UBXN7: variants seen among roughly 807,000 people sequenced by gnomAD.
UBXN7 encodes UBX domain-containing protein 7.
Under a neutral mutation model 58.0 loss-of-function variants are expected in UBXN7, and 9 were observed. The ratio of observed to expected loss-of-function variants is 0.16; its 90% CI spans 0.09 to 0.27. The LOEUF is 0.27. Among genes scored for constraint, UBXN7 ranks in the 10% least tolerant of loss-of-function variants. The pLI is 1.00. For synonymous variants in UBXN7, 208 were observed against 205.0 expected (o/e 1.01, Z -0.12); for missense variants, 328 against 599.6 (o/e 0.55, Z 4.73).
chr3:196,425,152 C>T (rs575924695), intron 1 of UBXN7, among the ~76,000 whole-genome samples: 2 of 152,322 alleles, frequency 1.3e-5, no homozygotes, highest in East Asian at 3.9e-4. Context: ...CTTCTCCCCA[C>T]ACCTTTCTGC....
chr3:196,368,133 G>A lies in UBXN7; in HGVS notation c.729C>T (p.His243=), dbSNP rs1245522049. Reference sequence around the variant, plus strand: ...CCAAGAAAGAAGATACATCTAACTGGTGCCATTCTACTAGCTTCTGACCTA... The same window carrying A: ...CCAAGAAAGAAGATACATCTAACTGATGCCATTCTACTAGCTTCTGACCTA... ...PRTGQKLVEW[H]QLDVSSFLDQ... The change falls in exon 8 of 11, where the codon CAC becomes CAT. Residue 243 remains histidine, a synonymous_variant. Transcript: ENST00000296328. 1.2e-6 allele frequency: 2 copies of A among 1,613,648 alleles called. No homozygotes were observed. Among genetic ancestry groups the A allele is most frequent in the Non-Finnish European group, 1.7e-6 (2 of 1,179,844 alleles).
intron 10 of UBXN7, among the ~76,000 whole-genome samples, chr3:196,361,248 C>T (rs143168017): frequency 6.6e-6 from 1 of 152,276 alleles, no homozygotes; most frequent in East Asian, 1.9e-4. Context: ...GACTGAATTG[C>T]TGCAATCTCA....
chr3:196,418,330 T>C (rs1730570729), intron 1 of UBXN7, among the ~76,000 whole-genome samples: 1 of 149,580 alleles, frequency 6.7e-6, no homozygotes, highest in African/African-American at 2.5e-5. Context: ...TAGTCCCAAG[T>C]TTACAGTACT....
At chr3:196,401,804 GAAAGA>G (rs1420982071) in intron 3 of UBXN7, among the ~76,000 whole-genome samples, 109 of 58,644 alleles carry the variant, frequency 1.9e-3, no homozygotes, top group African/African-American at 5.1e-3. Flanking sequence ...AGAAAGGAAA[GAAAGA>G]AAAGAAAAGA....
At chr3:196,401,297 A>ATATATATATG (rs1464952780) in intron 3 of UBXN7, among the ~76,000 whole-genome samples, 11 of 101,728 alleles carry the variant, frequency 1.1e-4, no homozygotes, top group African/African-American at 5.0e-4. Context: ...ATATATATAT[A>ATATATATATG]TACACACACA....
chr3:196,405,689 T>C lies in UBXN7; in HGVS notation c.221+1557A>G, dbSNP rs562985865. Reference sequence around the variant, plus strand: ...GTGGATTAAGTAGTACACTTGTCCTTACACGAAAAGACTTGATTACTACAT... The same window carrying C: ...GTGGATTAAGTAGTACACTTGTCCTCACACGAAAAGACTTGATTACTACAT... On this transcript the variant is annotated intron_variant, in intron 2 of 10. Transcript: ENST00000296328. Among the ~76,000 whole-genome samples the C allele has an allele frequency of 5.9e-5, 9 of 152,246 alleles. 1 individual carries two copies. Among genetic ancestry groups the C allele is most frequent in the Admixed American group, 5.9e-4 (9 of 15,284 alleles).
At chr3:196,432,176 C>T in intron 1 of UBXN7, 151 bp downstream of exon 1, 2 of 1,107,412 alleles carry the variant, frequency 1.8e-6, no homozygotes, top group Non-Finnish European at 2.7e-6. Flanking sequence ...CCGGAGACCC[C>T]GACGCCGTCG....
chr3:196,358,138 C>T (rs1042823619), intron 10 of UBXN7, among the ~76,000 whole-genome samples: 2 of 152,152 alleles, frequency 1.3e-5, no homozygotes. Flanking sequence ...TGATGAACCA[C>T]GTGCGAGCTG....
In UBXN7 at chr3:196,408,199, G is replaced by T. The variant is rs116370075; in HGVS notation, c.74-806C>A. ...ACATAACTAAGTCAAAATCTGGTAA[G>T]AAATGTCAATCTTCATCATTTAAAA... On this transcript the variant is annotated intron_variant, in intron 1 of 10. Coordinates refer to ENST00000296328, the MANE Select transcript of UBXN7 (RefSeq NM_015562.2). Among the ~76,000 whole-genome samples the T allele has an allele frequency of 6.9e-3, 1,034 of 149,840 alleles. 5 individuals carry two copies. Among genetic ancestry groups the T allele is most frequent in the Middle Eastern group, 0.017 (5 of 288 alleles).
At chr3:196,408,454 T>C (rs1439186919) in intron 1 of UBXN7, among the ~76,000 whole-genome samples, 1 of 152,218 alleles carries the variant, frequency 6.6e-6, no homozygotes, top group Non-Finnish European at 1.5e-5. Flanking sequence ...ATGTCCAGCA[T>C]AGCTTCAGTT....
intron 1 of UBXN7, among the ~76,000 whole-genome samples, chr3:196,417,613 A>G (rs139709436): frequency 7.9e-5 from 12 of 151,102 alleles, no homozygotes; most frequent in African/African-American, 2.7e-4. Flanking sequence ...CCATGAATTA[A>G]AAGAATTCAG....
chr3:196,399,506 A>G (rs1247155103), intron 3 of UBXN7, among the ~76,000 whole-genome samples: 1 of 152,148 alleles, frequency 6.6e-6, no homozygotes, highest in Admixed American at 6.6e-5. Flanking sequence ...GCATGATCAT[A>G]GTTCACTGCA....
chr3:196,410,609 G>A (rs1201987174), intron 1 of UBXN7, among the ~76,000 whole-genome samples: 1 of 152,288 alleles, frequency 6.6e-6, no homozygotes, highest in East Asian at 1.9e-4. Context: ...AGATCACGAG[G>A]TTAGGAGTTC....
intron 3 of UBXN7, among the ~76,000 whole-genome samples, chr3:196,396,827 T>C (rs1431189518): frequency 6.6e-6 from 1 of 152,162 alleles, no homozygotes; most frequent in Non-Finnish European, 1.5e-5. Context: ...AGAAAGTATA[T>C]TATTTTAGGA....
rs117750317 is a variant in UBXN7 at position 196,359,428 on chromosome 3, C to G, written c.1308+2416G>C. 3.6e-3 allele frequency among the ~76,000 whole-genome samples: 553 copies of G among 152,160 alleles called. 20 individuals carry two copies. The South Asian group carries it at 0.075, about 21-fold the overall frequency. On this transcript the variant is annotated intron_variant, in intron 10 of 10. Coordinates refer to ENST00000296328, the MANE Select transcript of UBXN7 (RefSeq NM_015562.2). ...CTACCAGTGTAGGCCTCTAAGTACC[C>G]AAGTGAAAGGAAGTGTCCATCCTCA...
chr3:196,393,491 T>G, intron 4 of UBXN7, 63 bp downstream of exon 4: 1 of 1,493,044 alleles, frequency 6.7e-7, no homozygotes, highest in Non-Finnish European at 9.1e-7. Flanking sequence ...CTAATAGTAA[T>G]CATCTTTGTC....
chr3:196,349,071 T>A lies in UBXN7; in HGVS notation c.*7614A>T, dbSNP rs1033076441. 6.6e-6 allele frequency: 1 copy of A among 152,254 alleles called. No individual in the cohort carries two copies. Among genetic ancestry groups the A allele is most frequent in the Non-Finnish European group, 1.5e-5 (1 of 68,046 alleles). The allele number at this position is 152,254 out of a possible 1,614,324, so 9.4% of individuals were successfully genotyped here. A position where few individuals can be genotyped will look rare whatever the true frequency, so the allele number is the denominator to read the frequency against. ...AAGAAAACCGTGTCTAACAGATTCA[T>A]GCCAAAGCTTGGATGGAAGCCCCTC... is the stretch of plus-strand genomic sequence containing the variant. On this transcript the variant is annotated 3_prime_UTR_variant, in exon 11 of 11. Transcript: ENST00000296328.
chr3:196,419,292 T>TTAAATAAATAAA (rs756643464), intron 1 of UBXN7, among the ~76,000 whole-genome samples: 10 of 148,860 alleles, frequency 6.7e-5, no homozygotes, highest in African/African-American at 2.0e-4. Context: ...TCTAAATAAA[T>TTAAATAAATAAA]TAAATAAATA....
chr3:196,375,405 C>A (rs1289218729), intron 5 of UBXN7, among the ~76,000 whole-genome samples: 1 of 151,988 alleles, frequency 6.6e-6, no homozygotes, highest in Non-Finnish European at 1.5e-5. Context: ...TTGCTTAAGG[C>A]AAGGAGTTCG....
Sources: allele counts gnomAD v4.1 joint callset (sites outside exome capture counted in the v4.1 genomes callset), GRCh38; gene constraint gnomAD v4.1.1; transcripts MANE v1.5; gene names NCBI Gene and HGNC (gene_info 2026-07-23, HGNC 2026-07-21).